The following PIK3CA variants were observed in gnomAD, a reference collection of about 807,000 sequenced individuals.
PIK3CA encodes the protein phosphatidylinositol 4,5-bisphosphate 3-kinase catalytic subunit alpha isoform.
In PIK3CA, 27 loss-of-function variants were observed where a neutral mutation model predicts 138.2. The ratio of observed to expected loss-of-function variants is 0.20; its 90% CI spans 0.14 to 0.27. PIK3CA has a LOEUF of 0.27. PIK3CA is among the 10% of genes least tolerant of loss of function. The pLI is 1.00. For synonymous variants in PIK3CA, 358 were observed against 413.2 expected (o/e 0.87, Z 1.62); for missense variants, 544 against 1,277.4 (o/e 0.43, Z 8.75).
intron 1 of PIK3CA, among the ~76,000 whole-genome samples, chr3:179,179,894 G>A (rs1200267618): frequency 6.6e-6 from 1 of 152,110 alleles, no homozygotes; most frequent in Non-Finnish European, 1.5e-5. Flanking sequence ...AGCTACTTGG[G>A]CTGAATTTAA....
intron 1 of PIK3CA, among the ~76,000 whole-genome samples, chr3:179,187,557 AGAG>A (rs1724021157): frequency 6.8e-6 from 1 of 147,350 alleles, no homozygotes; most frequent in Non-Finnish European, 1.5e-5. Context: ...AAAAAAAAAA[AGAG>A]AGAAACGGAT....
In PIK3CA at chr3:179,239,780, A is replaced by G. The variant is rs1183770225; in HGVS notation, c.*5416A>G. On this transcript the variant is annotated 3_prime_UTR_variant, in exon 21 of 21. Coordinates refer to ENST00000263967, the MANE Select transcript of PIK3CA (RefSeq NM_006218.4). ...AATTGTAGCAAGTTTATTTCTCTAT[A>G]TTTTGTCATTCAGTGAATTGAAGTC... 3.3e-5 allele frequency: 14 copies of G among 418,030 alleles called. No homozygotes were observed. The highest frequency in any genetic ancestry group is 4.2e-5 in the Non-Finnish European group (10 of 235,400). The allele number at this position is 418,030 out of a possible 1,614,324, so 25.9% of individuals were successfully genotyped here.
intron 1 of PIK3CA, among the ~76,000 whole-genome samples, chr3:179,179,644 G>T (rs1723790526): frequency 6.6e-6 from 1 of 152,162 alleles, no homozygotes; most frequent in Non-Finnish European, 1.5e-5. Context: ...AGAGTTCGTT[G>T]TATGTTAACT....
At chr3:179,170,151 G>C (rs1723524621) in intron 1 of PIK3CA, among the ~76,000 whole-genome samples, 1 of 152,014 alleles carries the variant, frequency 6.6e-6, no homozygotes, top group Non-Finnish European at 1.5e-5. Flanking sequence ...CTAAGTAATA[G>C]ATATACCAAA....
At chr3:179,229,972 C>A in intron 18 of PIK3CA, 32 bp from the exon 19 acceptor site, 2 of 1,425,554 alleles carry the variant, frequency 1.4e-6, no homozygotes, top group South Asian at 2.5e-5. Flanking sequence ...ACTATATTTC[C>A]ATACTACTCA....
At position 179,220,958 on chromosome 3, in the gene PIK3CA, T is replaced by C; in HGVS notation, c.2016-28T>C. ...ATACTGATTTAAGACTATATATATA[T>C]ATTTTTAATTTTGCACGATTCTTTT... On this transcript the variant is annotated intron_variant, in intron 13 of 20. Coordinates refer to ENST00000263967, the MANE Select transcript of PIK3CA (RefSeq NM_006218.4). This position sits in a 1 kb window ranked among gnomAD's most constrained non-coding sequence, Gnocchi z 4.1. 1 of 1,490,896 alleles carries C rather than the reference T, an allele frequency of 6.7e-7. No individual in the cohort carries two copies. Among genetic ancestry groups the C allele is most frequent in the Non-Finnish European group, 9.1e-7 (1 of 1,097,864 alleles). The allele number at this position is 1,490,896 out of a possible 1,614,324, so 92.4% of individuals were successfully genotyped here. A position where few individuals can be genotyped will look rare whatever the true frequency, so the allele number is the denominator to read the frequency against.
intron 7 of PIK3CA, 45 bp downstream of exon 7, chr3:179,209,745 C>G (rs900319182): frequency 2.9e-6 from 3 of 1,027,572 alleles, no homozygotes; most frequent in Non-Finnish European, 2.9e-6. Flanking sequence ...TTTAAAAACT[C>G]CTGATTATAC....
intron 1 of PIK3CA, among the ~76,000 whole-genome samples, chr3:179,170,568 ATG>A (rs1215442399): frequency 1.3e-5 from 2 of 152,210 alleles, no homozygotes; most frequent in Non-Finnish European, 2.9e-5. Flanking sequence ...ATCAAAATAA[ATG>A]TATCTTCCAG....
rs770394983 is a variant in PIK3CA, at chr3:179,178,080, CA to C, written c.-76-20652del. Among the ~76,000 whole-genome samples the C allele has an allele frequency of 7.4e-3, 442 of 59,546 alleles. 2 individuals carry two copies. The highest frequency in any genetic ancestry group is 0.021 in the African/African-American group (352 of 16,962). 39.1% of individuals were successfully genotyped at this position (59,546 alleles called of 152,430 possible). On this transcript the variant is annotated intron_variant, in intron 1 of 20. Coordinates refer to ENST00000263967, the MANE Select transcript of PIK3CA (RefSeq NM_006218.4). Reference sequence around the variant, plus strand: ...ATAGTGAAACAAGATTCTGTCTTTACAAAAAAAAAAAAAAAAAAGTGTTTGG... The same window carrying C: ...ATAGTGAAACAAGATTCTGTCTTTACAAAAAAAAAAAAAAAAAGTGTTTGG...
chr3:179,193,603 T>C (rs1374062365), intron 1 of PIK3CA, among the ~76,000 whole-genome samples: 2 of 152,272 alleles, frequency 1.3e-5, no homozygotes, highest in African/African-American at 2.4e-5. Flanking sequence ...TAATGAGGAC[T>C]ATAATTCATC....
intron 1 of PIK3CA, among the ~76,000 whole-genome samples, chr3:179,187,431 A>G (rs1355081400): frequency 1.4e-5 from 2 of 146,002 alleles, no homozygotes; most frequent in Admixed American, 6.9e-5. Flanking sequence ...CCAGCTACTC[A>G]GGAGGCTGAG....
chr3:179,156,647 ATTG>A (rs1416328544), intron 1 of PIK3CA, among the ~76,000 whole-genome samples: 1 of 152,136 alleles, frequency 6.6e-6, no homozygotes, highest in East Asian at 1.9e-4. Context: ...CTATTGATTT[ATTG>A]TTTTTTTCTG....
intron 9 of PIK3CA, among the ~76,000 whole-genome samples, chr3:179,215,477 CTAGAAATTACTTCATCCA>C (rs1724816615): frequency 6.6e-6 from 1 of 151,754 alleles, no homozygotes; most frequent in African/African-American, 2.4e-5. Context: ...TTTCATCATC[CTAGAAATTACTTCATCCA>C]TATTCATTAT....
intron 9 of PIK3CA, among the ~76,000 whole-genome samples, chr3:179,217,244 C>T (rs1187558297): frequency 1.3e-5 from 2 of 152,112 alleles, no homozygotes; most frequent in Non-Finnish European, 2.9e-5. Flanking sequence ...ACTATGTTCT[C>T]AGTCATTCTC....
chr3:179,158,936 G>A (rs1177939698), intron 1 of PIK3CA, among the ~76,000 whole-genome samples: 3 of 138,904 alleles, frequency 2.2e-5, no homozygotes, highest in Non-Finnish European at 4.7e-5. Flanking sequence ...ATGTTCTTGC[G>A]TTTTAGCAGT....
In PIK3CA at chr3:179,148,539, C is replaced by T. The variant is rs139255255; in HGVS notation, c.-141C>T. 12,953 of 152,204 alleles carry T rather than the reference C, an allele frequency of 0.085. 596 individuals carry two copies. Among genetic ancestry groups the T allele is most frequent in the African/African-American group, 0.11 (4,366 of 41,448 alleles). 9.4% of individuals were successfully genotyped at this position (152,204 alleles called of 1,614,324 possible). On this transcript the variant is annotated 5_prime_UTR_variant, in exon 1 of 21. Coordinates refer to ENST00000263967, the MANE Select transcript of PIK3CA (RefSeq NM_006218.4). Reference sequence around the variant, plus strand: ...CCGCTCTCCTCTCCCTCGGCGCCGCCGCCGCCGCCCGCGGGGCTGGGACCC... The same window carrying T: ...CCGCTCTCCTCTCCCTCGGCGCCGCTGCCGCCGCCCGCGGGGCTGGGACCC...
rs1724905033 is a variant in PIK3CA at position 179,219,010 on chromosome 3, C to T, written c.1665-186C>T. Among the ~76,000 whole-genome samples, 1 of 151,904 alleles carries T rather than the reference C, an allele frequency of 6.6e-6. No homozygotes were observed. On this transcript the variant is annotated intron_variant, in intron 10 of 20. Transcript: ENST00000263967. The surrounding 1 kb of genome is among the most constrained non-coding windows in gnomAD (Gnocchi z 4.2). ...TGTGTTCTTTGCCATTATAACTGTG[C>T]CTAAGTATATATGTAAATATATTTC...
Position 179,199,164 on chromosome 3 carries a change from C to T in PIK3CA, c.339C>T (p.Leu113=), listed in dbSNP as rs779052263. The T allele has an allele frequency of 6.4e-7, 1 of 1,573,076 alleles. No homozygotes were observed. The highest frequency in any genetic ancestry group is 8.6e-7 in the Non-Finnish European group (1 of 1,164,288). Residue 113 remains leucine, a synonymous_variant, in exon 2 of 21, where the codon CTC becomes CTT. Coordinates refer to ENST00000263967, the MANE Select transcript of PIK3CA (RefSeq NM_006218.4). ...EPVGNREEKI[L]NREIGFAIGM... is the part of the protein sequence containing the mutation. Reference sequence around the variant, plus strand: ...TAGGCAACCGTGAAGAAAAGATCCTCAATCGAGAAATTGGTATGATACAAT... The same window carrying T: ...TAGGCAACCGTGAAGAAAAGATCCTTAATCGAGAAATTGGTATGATACAAT...
At chr3:179,187,911 A>G (rs900752820) in intron 1 of PIK3CA, among the ~76,000 whole-genome samples, 1 of 152,198 alleles carries the variant, frequency 6.6e-6, no homozygotes, top group Non-Finnish European at 1.5e-5. Context: ...TGCTGGGATT[A>G]TAGGCATGAG....
Sources: gnomAD v4.1 joint callset for allele counts (sites outside exome capture counted in the v4.1 genomes callset) on GRCh38, gnomAD v4.1.1 for gene constraint, Gnocchi (gnomAD v3.1) non-coding constraint, MANE v1.5 for transcripts, NCBI Gene and HGNC (gene_info 2026-07-23, HGNC 2026-07-21) for gene names.